The following DNTT variants were observed in gnomAD, a reference collection of about 807,000 sequenced individuals.
DNTT encodes the protein nucleosidetriphosphate:DNA deoxynucleotidylexotransferase.
DNTT carries 47 observed loss-of-function variants against 60.9 expected under a neutral mutation model. That is an observed-to-expected ratio of 0.77 (90% CI 0.61 to 0.98). DNTT has a LOEUF of 0.98. Ranked by LOEUF, DNTT falls within the 50% of genes least tolerant of loss-of-function variation. DNTT has a pLI of 0.00. For missense variants in DNTT, 665 were observed against 627.5 expected (o/e 1.06, Z -0.64); for synonymous variants, 224 against 221.2 (o/e 1.01, Z -0.11).
chr10:96,318,366 A>G lies in DNTT; in HGVS notation c.218A>G (p.His73Arg). The G allele has an allele frequency of 1.2e-6, 2 of 1,611,336 alleles. No homozygotes were observed. Among genetic ancestry groups the G allele is most frequent in the African/African-American group, 1.3e-5 (1 of 74,948 alleles). ...GCATTTTGCAGTGATTCTGTCACCC[A>G]CATCGTAGCAGAGAACAACTCGGGT... ...VENELSDSVT[H>R]IVAENNSGSD... Residue 73 changes from histidine (H) to arginine (R), a missense_variant, in exon 2 of 11, where the codon CAC becomes CGC. By Grantham distance (29) the His-to-Arg change is conservative. Transcript: ENST00000371174.
intron 9 of DNTT, among the ~76,000 whole-genome samples, chr10:96,333,294 T>C (rs912919751): frequency 6.6e-6 from 1 of 152,262 alleles, no homozygotes; most frequent in African/African-American, 2.4e-5. Context: ...TCAGATTGGC[T>C]ATTATCAAAA....
intron 7 of DNTT, among the ~76,000 whole-genome samples, chr10:96,328,483 TTTG>T (rs1844964495): frequency 6.6e-6 from 1 of 152,212 alleles, no homozygotes; most frequent in African/African-American, 2.4e-5. Flanking sequence ...AAATAATTTT[TTTG>T]TTATTTTTTG....
intron 8 of DNTT, among the ~76,000 whole-genome samples, chr10:96,329,257 C>T (rs1844976716): frequency 6.6e-6 from 1 of 152,206 alleles, no homozygotes; most frequent in South Asian, 2.1e-4. Context: ...AGATTCGAGG[C>T]ACTTCGTGCT....
rs1192178876 is a variant in DNTT at position 96,319,343 on chromosome 10, G to A, written c.460G>A (p.Ala154Thr). The change falls in exon 3 of 11, where the codon GCG becomes ACG. Residue 154 changes from alanine to threonine, a missense_variant. By Grantham distance (58) the Ala-to-Thr change is moderately conservative. Coordinates refer to ENST00000371174, the MANE Select transcript of DNTT (RefSeq NM_004088.4). Reference sequence around the variant, plus strand: ...TGCTGTACAAAAGATCTCCCAGTATGCGTGTCAGAGAAGAACCACTTTAAA... The same window carrying A: ...TGCTGTACAAAAGATCTCCCAGTATACGTGTCAGAGAAGAACCACTTTAAA... The part of the protein sequence containing the change: ...PIAVQKISQY[A>T]CQRRTTLNNC... 1.2e-6 allele frequency: 2 copies of A among 1,613,736 alleles called. No individual in the cohort carries two copies. The highest frequency in any genetic ancestry group is 8.5e-7 in the Non-Finnish European group (1 of 1,179,790).
At position 96,304,531 on chromosome 10, in the gene DNTT, C is replaced by T. The variant is rs763409269; in HGVS notation, c.34C>T (p.Arg12Trp). Residue 12 changes from arginine to tryptophan, a missense_variant, in exon 1 of 11, where the codon CGG becomes TGG. Physicochemically the swap from Arg to Trp is moderately radical, Grantham distance 101 (BLOSUM62 -3). Coordinates refer to ENST00000371174, the MANE Select transcript of DNTT (RefSeq NM_004088.4). ...ACCACGAGCGTCCCACTTGAGCCCT[C>T]GGAAGAAGAGACCCCGGCAGACGGG... The part of the protein sequence containing the change: ...DPPRASHLSP[R>W]KKRPRQTGAL... 27 of 1,613,884 alleles carry T rather than the reference C, an allele frequency of 1.7e-5. No individual in the cohort carries two copies. Among genetic ancestry groups the T allele is most frequent in the African/African-American group, 8.0e-5 (6 of 74,906 alleles).
At chr10:96,332,664 C>T in intron 9 of DNTT, 68 bp downstream of exon 9, 1 of 1,574,490 alleles carries the variant, frequency 6.4e-7, no homozygotes, top group Non-Finnish European at 8.6e-7. Flanking sequence ...TCTACCTGGG[C>T]CCAGGGGAGA....
chr10:96,311,276 T>C lies in DNTT; in HGVS notation c.203+6576T>C, dbSNP rs562564805. ...AAGTCACTGTTTACAAAATAAGTCC[T>C]ATATCAGATGGGAAGAATCAGGAAT... On this transcript the variant is annotated intron_variant, in intron 1 of 10. Coordinates refer to ENST00000371174, the MANE Select transcript of DNTT (RefSeq NM_004088.4). Among the ~76,000 whole-genome samples, 18 of 152,308 alleles carry C rather than the reference T, an allele frequency of 1.2e-4. 1 individual carries two copies. The South Asian group carries it at 3.7e-3, about 32-fold the overall frequency.
chr10:96,316,271 G>T (rs1336635849), intron 1 of DNTT, among the ~76,000 whole-genome samples: 1 of 152,156 alleles, frequency 6.6e-6, no homozygotes, highest in Non-Finnish European at 1.5e-5. Context: ...AGCTGATGCA[G>T]ATGTCTACCA....
intron 1 of DNTT, among the ~76,000 whole-genome samples, chr10:96,313,670 T>A (rs983139084): frequency 6.6e-6 from 1 of 152,246 alleles, no homozygotes; most frequent in Non-Finnish European, 1.5e-5. Context: ...ATTATCATTA[T>A]CTTTGCTAAT....
chr10:96,309,952 T>C (rs995236453), intron 1 of DNTT, among the ~76,000 whole-genome samples: 2 of 152,212 alleles, frequency 1.3e-5, no homozygotes, highest in African/African-American at 4.8e-5. Context: ...CAGAACTGTC[T>C]TCCAAGGATC....
At chr10:96,316,974 C>T (rs1564870758) in intron 1 of DNTT, among the ~76,000 whole-genome samples, 1 of 151,742 alleles carries the variant, frequency 6.6e-6, no homozygotes, top group African/African-American at 2.4e-5. Flanking sequence ...CAGATTCTAT[C>T]AAAAAAAGAA....
Position 96,322,712 on chromosome 10 carries a change from G to A in DNTT, c.734G>A (p.Arg245Gln), listed in dbSNP as rs1477469177. 6.3e-6 allele frequency: 10 copies of A among 1,597,460 alleles called. No homozygotes were observed. The highest frequency in any genetic ancestry group is 2.7e-5 in the African/African-American group (2 of 74,658). The change falls in exon 5 of 11, where the codon CGA (arginine) becomes CAA (glutamine). Residue 245 changes from arginine (R) to glutamine (Q), a missense_variant. By Grantham distance (43) the Arg-to-Gln change is conservative. Transcript: ENST00000371174. ...SEVKAVLNDE[R>Q]YQSFKLFTSV... ...GTTAAAGCTGTGTTAAATGATGAAC[G>A]ATATCAATCCTTCAAAGTAAGTGAT...
chr10:96,315,214 T>C (rs1054847512), intron 1 of DNTT, among the ~76,000 whole-genome samples: 1 of 144,890 alleles, frequency 6.9e-6, no homozygotes, highest in Non-Finnish European at 1.5e-5. Context: ...TTTCAAAAAA[T>C]GTGTTGAAGA....
intron 1 of DNTT, among the ~76,000 whole-genome samples, chr10:96,305,104 T>G (rs976247097): frequency 6.6e-6 from 1 of 152,210 alleles, no homozygotes; most frequent in African/African-American, 2.4e-5. Context: ...TTTGGTTGCT[T>G]GGTTCTTACC....
chr10:96,319,658 C>T (rs528248201), intron 3 of DNTT, among the ~76,000 whole-genome samples: 26 of 152,218 alleles, frequency 1.7e-4, no homozygotes, highest in Non-Finnish European at 3.5e-4. Context: ...CATTAATGGG[C>T]GCAACACTTG....
intron 8 of DNTT, among the ~76,000 whole-genome samples, chr10:96,329,606 G>A (rs1161598210): frequency 6.6e-6 from 1 of 152,176 alleles, no homozygotes; most frequent in Non-Finnish European, 1.5e-5. Context: ...CCCAGAAAAG[G>A]AAAACCTCAG....
intron 8 of DNTT, 105 bp from the exon 9 acceptor site, chr10:96,332,246 T>C: frequency 1.3e-6 from 2 of 1,513,500 alleles, no homozygotes; most frequent in Admixed American, 3.9e-5. Flanking sequence ...CAAACACATG[T>C]CCATGTTCTG....
intron 6 of DNTT, among the ~76,000 whole-genome samples, chr10:96,325,723 C>T (rs1043847762): frequency 3.3e-5 from 5 of 152,178 alleles, no homozygotes; most frequent in Admixed American, 3.3e-4. Flanking sequence ...ATACTTATAC[C>T]CCCACAAGTA....
At chr10:96,334,599 G>A (rs1845045707) in intron 9 of DNTT, among the ~76,000 whole-genome samples, 1 of 152,144 alleles carries the variant, frequency 6.6e-6, no homozygotes. Flanking sequence ...AGGTGTCTTT[G>A]CTTTGGACTG....
Sources: allele counts gnomAD v4.1 joint callset (sites outside exome capture counted in the v4.1 genomes callset), GRCh38; gene constraint gnomAD v4.1.1; transcripts MANE v1.5; gene names NCBI Gene and HGNC (gene_info 2026-07-23, HGNC 2026-07-21).